Variants in PFKP observed in about 807,000 individuals in gnomAD.
PFKP encodes ATP-dependent 6-phosphofructokinase, platelet type.
Under a neutral mutation model 94.3 loss-of-function variants are expected in PFKP, and 101 were observed. The ratio of observed to expected loss-of-function variants is 1.07; its 90% CI spans 0.91 to 1.26. PFKP has a LOEUF of 1.26. Ranked by LOEUF, PFKP falls within the 50% of genes most tolerant of loss-of-function variation. The pLI is 0.00. For missense variants in PFKP, 1,145 were observed against 1,103.3 expected, an observed-to-expected ratio of 1.04 and a Z score of -0.53; for synonymous variants, 573 against 432.6, an observed-to-expected ratio of 1.32 and a Z score of -4.03.
intron 1 of PFKP, chr10:3,069,096 C>T: frequency 3.1e-6 from 1 of 327,646 alleles, no homozygotes; most frequent in Non-Finnish European, 4.8e-6. Flanking sequence ...CCCCGACACC[C>T]GTGCGCCGCG....
chr10:3,117,338 G>C (rs7902549), intron 14 of PFKP, among the ~76,000 whole-genome samples: 19,875 of 152,150 alleles, frequency 0.13, 1,346 homozygotes, highest in African/African-American at 0.15. Context: ...CAGTAAGCCT[G>C]GCGTCCCTGC....
At chr10:3,133,825 C>G (rs1838885776) in intron 19 of PFKP, among the ~76,000 whole-genome samples, 1 of 152,214 alleles carries the variant, frequency 6.6e-6, no homozygotes, top group Non-Finnish European at 1.5e-5. Flanking sequence ...AGGGAACTGT[C>G]AGCTTTCATG....
intron 21 of PFKP, 108 bp from the exon 22 acceptor site, chr10:3,136,342 C>T: frequency 1.8e-6 from 2 of 1,106,708 alleles, no homozygotes; most frequent in Non-Finnish European, 2.6e-6. Flanking sequence ...ATTCAGCCGA[C>T]CCTACAAACC....
chr10:3,107,778 C>A, intron 8 of PFKP: 2 of 1,196,334 alleles, frequency 1.7e-6, no homozygotes, highest in Non-Finnish European at 2.1e-6. Flanking sequence ...CGTGGCCCTG[C>A]CTGGGAACAG....
At chr10:3,108,129 C>T in intron 8 of PFKP, 1 of 770,106 alleles carries the variant, frequency 1.3e-6, no homozygotes, top group Non-Finnish European at 1.9e-6. Context: ...TCCCGCTTAA[C>T]TGTAATTAAA....
intron 3 of PFKP, among the ~76,000 whole-genome samples, chr10:3,099,788 G>T (rs570344425): frequency 6.6e-5 from 10 of 152,088 alleles, no homozygotes; most frequent in Non-Finnish European, 1.2e-4. Context: ...CGTGATTGAC[G>T]GAGGAAGATA....
At chr10:3,117,697 T>C (rs1836973982) in intron 14 of PFKP, among the ~76,000 whole-genome samples, 1 of 152,098 alleles carries the variant, frequency 6.6e-6, no homozygotes, top group Admixed American at 6.5e-5. Flanking sequence ...AAGCTCTAGG[T>C]AGAGGCAGAT....
chr10:3,117,376 T>G (rs1017141628), intron 14 of PFKP, among the ~76,000 whole-genome samples: 1 of 152,240 alleles, frequency 6.6e-6, no homozygotes, highest in Non-Finnish European at 1.5e-5. Flanking sequence ...GATTTCCTAA[T>G]GTAGATGAAG....
chr10:3,099,283 G>A lies in PFKP; in HGVS notation c.195G>A (p.Gln65=). 1 of 1,613,632 alleles carries A rather than the reference G, an allele frequency of 6.2e-7. No homozygotes were observed. Among genetic ancestry groups the A allele is most frequent in the Non-Finnish European group, 8.5e-7 (1 of 1,179,508 alleles). The change falls in exon 3 of 22, where the codon CAG becomes CAA. Residue 65 remains glutamine (Q), a synonymous_variant. Transcript: ENST00000381125. ...CTCCCTTTCTCCCCTAGGGCTACCA[G>A]GGCATGGTGGACGGAGGCTCAAACA... is the stretch of plus-strand genomic sequence containing the variant. The part of the protein sequence containing the change: ...AKVYFIYEGY[Q]GMVDGGSNIA...
At chr10:3,123,960 C>G (rs1837672500) in intron 16 of PFKP, among the ~76,000 whole-genome samples, 1 of 150,376 alleles carries the variant, frequency 6.6e-6, no homozygotes, top group African/African-American at 2.4e-5. Context: ...TCACCCAGCA[C>G]TGACCCCGTT....
intron 16 of PFKP, among the ~76,000 whole-genome samples, chr10:3,121,293 G>C (rs1318090723): frequency 5.9e-5 from 9 of 152,236 alleles, no homozygotes. Flanking sequence ...CGGCTTTGCT[G>C]CTGCGGGGCT....
At chr10:3,069,602 G>A (rs938772423) in intron 1 of PFKP, among the ~76,000 whole-genome samples, 131 of 152,278 alleles carry the variant, frequency 8.6e-4, no homozygotes, top group East Asian at 3.7e-3. Flanking sequence ...GGTGCTGTGG[G>A]CCTTGTACGG....
At chr10:3,132,525 G>A (rs1157231603) in intron 18 of PFKP, 84 bp downstream of exon 18, 23 of 973,742 alleles carry the variant, frequency 2.4e-5, no homozygotes, top group Non-Finnish European at 3.5e-5. Flanking sequence ...TGGGCTGGAT[G>A]AGTGGTCATT....
intron 2 of PFKP, among the ~76,000 whole-genome samples, chr10:3,084,506 C>T (rs536071572): frequency 2.0e-5 from 3 of 152,202 alleles, no homozygotes; most frequent in Non-Finnish European, 2.9e-5. Context: ...TGTATTTATG[C>T]GATTTGGGCA....
At chr10:3,133,169 GC>G in intron 18 of PFKP, 33 bp from the exon 19 acceptor site, 1 of 1,548,176 alleles carries the variant, frequency 6.5e-7, no homozygotes, top group Admixed American at 1.7e-5. Context: ...CCCACTGCAC[GC>G]TAAACAAAGT....
chr10:3,125,131 G>A (rs761428247), intron 16 of PFKP: 193 of 1,333,976 alleles, frequency 1.4e-4, no homozygotes, highest in Non-Finnish European at 1.8e-4. Context: ...GCCGAGGCAC[G>A]AGGCCGCCAC....
chr10:3,095,952 C>G (rs1834444440), intron 2 of PFKP, among the ~76,000 whole-genome samples: 1 of 138,632 alleles, frequency 7.2e-6, no homozygotes, highest in African/African-American at 2.7e-5. Context: ...CCCTCCCTTT[C>G]TATTTTTTAA....
chr10:3,109,228 T>C (rs1414850977), intron 9 of PFKP, 127 bp from the exon 10 acceptor site: 6 of 1,246,164 alleles, frequency 4.8e-6, no homozygotes, highest in African/African-American at 1.5e-5. Context: ...CTCTAAAGAG[T>C]TGGGCTGGAA....
intron 16 of PFKP, among the ~76,000 whole-genome samples, chr10:3,122,018 C>G (rs1188654035): frequency 6.6e-6 from 1 of 151,702 alleles, no homozygotes; most frequent in Non-Finnish European, 1.5e-5. Flanking sequence ...GACGGGGTCT[C>G]CCTGTGTTGC....
Sources: gnomAD v4.1 joint callset for allele counts (sites outside exome capture counted in the v4.1 genomes callset) on GRCh38, gnomAD v4.1.1 for gene constraint, MANE v1.5 for transcripts, NCBI Gene and HGNC (gene_info 2026-07-23, HGNC 2026-07-21) for gene names.